The following CMTM8 variants were observed in gnomAD, a reference collection of about 807,000 sequenced individuals.
The protein encoded by CMTM8 is CKLF-like MARVEL transmembrane domain-containing protein 8.
In CMTM8, 12 loss-of-function variants were observed where a neutral mutation model predicts 18.6. The observed-to-expected ratio is 0.65, with a 90% CI of 0.41 to 1.05. The LOEUF is 1.05. Ranked by LOEUF, CMTM8 falls within the 50% of genes least tolerant of loss-of-function variation. CMTM8 has a pLI of 0.00. For synonymous variants in CMTM8, 87 were observed against 90.6 expected (o/e 0.96, Z 0.23); for missense variants, 217 against 227.2 (o/e 0.95, Z 0.29).
intron 1 of CMTM8, among the ~76,000 whole-genome samples, chr3:32,335,996 C>T (rs1696378458): frequency 6.6e-6 from 1 of 152,208 alleles, no homozygotes; most frequent in African/African-American, 2.4e-5. Flanking sequence ...GAGAGGCCCT[C>T]CAGGGCAGCG....
rs925674144 is a variant in CMTM8 at position 32,312,595 on chromosome 3, A to T, written c.148-44778A>T. Among the ~76,000 whole-genome samples the T allele has an allele frequency of 4.6e-5, 7 of 152,056 alleles. No homozygotes were observed. In the East Asian group the frequency reaches 1.3e-3, roughly 29 times the overall value. On this transcript the variant is annotated intron_variant, in intron 1 of 3. Transcript: ENST00000307526. ...AACATGTTCTTCCTCACCAACCTTG[A>T]AGCTCTGCAAACTCTGTCCTTTGAG... is the stretch of plus-strand genomic sequence containing the variant.
Position 32,370,011 on chromosome 3 carries a change from C to G in CMTM8, c.*44C>G, listed in dbSNP as rs762437069. ...AAAAGGAAAAAAAAAGGAAGACTCT[C>G]ACTGTAAAAACAGCTGTAGGTATAA... On this transcript the variant is annotated 3_prime_UTR_variant, in exon 4 of 4. Coordinates refer to ENST00000307526, the MANE Select transcript of CMTM8 (RefSeq NM_178868.5). The G allele has an allele frequency of 8.3e-7, 1 of 1,210,082 alleles. No individual in the cohort carries two copies. 75.0% of individuals were successfully genotyped at this position (1,210,082 alleles called of 1,614,324 possible).
chr3:32,337,976 CT>C (rs1415837694), intron 1 of CMTM8, among the ~76,000 whole-genome samples: 5 of 130,696 alleles, frequency 3.8e-5, no homozygotes, highest in African/African-American at 1.5e-4. Flanking sequence ...ACTATTTGGC[CT>C]TTTTTTTTTT....
chr3:32,291,222 G>C (rs931923824), intron 1 of CMTM8, among the ~76,000 whole-genome samples: 1 of 151,818 alleles, frequency 6.6e-6, no homozygotes, highest in Non-Finnish European at 1.5e-5. Flanking sequence ...TCTGCCCCCC[G>C]GGTTCACGCC....
chr3:32,347,624 C>T (rs1236483214), intron 1 of CMTM8, among the ~76,000 whole-genome samples: 2 of 152,110 alleles, frequency 1.3e-5, no homozygotes, highest in African/African-American at 4.8e-5. Flanking sequence ...AGTGAAGTTT[C>T]CCACAAGGCC....
Position 32,239,128 on chromosome 3 carries a change from C to G in CMTM8, c.147+9C>G, listed in dbSNP as rs1054285017. 8 of 1,592,434 alleles carry G rather than the reference C, an allele frequency of 5.0e-6. No homozygotes were observed. The Admixed American group carries it at 8.7e-5, about 17-fold the overall frequency. ...TCATCGTGGCCGAGATCGTGAGTGCCGACGGGCCGGGGGTGGCGGGGGGCT... is the reference window on the plus strand; with the variant it reads ...TCATCGTGGCCGAGATCGTGAGTGCGGACGGGCCGGGGGTGGCGGGGGGCT... On this transcript the variant is annotated intron_variant, in intron 1 of 3. Transcript: ENST00000307526.
At chr3:32,291,037 T>A (rs1364972539) in intron 1 of CMTM8, among the ~76,000 whole-genome samples, 2 of 149,872 alleles carry the variant, frequency 1.3e-5, no homozygotes, top group Non-Finnish European at 3.0e-5. Context: ...CGTGAACCGC[T>A]GTGCCTGGCC....
intron 1 of CMTM8, among the ~76,000 whole-genome samples, chr3:32,332,452 C>G (rs1321901256): frequency 6.6e-6 from 1 of 150,580 alleles, no homozygotes; most frequent in African/African-American, 2.5e-5. Flanking sequence ...TGGGGAGTGG[C>G]AGAGAGGAGT....
chr3:32,282,711 C>T (rs755499083), intron 1 of CMTM8, among the ~76,000 whole-genome samples: 1 of 152,126 alleles, frequency 6.6e-6, no homozygotes, highest in Non-Finnish European at 1.5e-5. Context: ...GTGAGAGAGC[C>T]AGTCTGTTCA....
chr3:32,369,843 G>A, intron 3 of CMTM8, 41 bp from the exon 4 acceptor site: 6 of 1,313,130 alleles, frequency 4.6e-6, no homozygotes, highest in Non-Finnish European at 6.5e-6. Context: ...TAATTAGGAT[G>A]TGCCCTAAAC....
chr3:32,335,186 C>A (rs191134831), intron 1 of CMTM8, among the ~76,000 whole-genome samples: 14 of 152,334 alleles, frequency 9.2e-5, no homozygotes, highest in Admixed American at 9.2e-4. Context: ...CTGGCTTGGT[C>A]TCCAGGGGTA....
rs1216400788 is a variant in CMTM8 at position 32,358,352 on chromosome 3, A to G, written c.321+806A>G. Among the ~76,000 whole-genome samples the G allele has an allele frequency of 6.6e-6, 1 of 152,204 alleles. No individual in the cohort carries two copies. Reference sequence around the variant, plus strand: ...TCCCCTTGCCTTAAGAGCATTGACAATCTGGTTGGCAAATTCAAAGTAGCT... The same window carrying G: ...TCCCCTTGCCTTAAGAGCATTGACAGTCTGGTTGGCAAATTCAAAGTAGCT... On this transcript the variant is annotated intron_variant, in intron 2 of 3. Coordinates refer to ENST00000307526, the MANE Select transcript of CMTM8 (RefSeq NM_178868.5). The surrounding 1 kb of genome is among the most constrained non-coding windows in gnomAD (Gnocchi z 4.1).
intron 1 of CMTM8, among the ~76,000 whole-genome samples, chr3:32,291,387 G>A (rs1187440326): frequency 1.3e-5 from 2 of 150,860 alleles, no homozygotes; most frequent in East Asian, 2.0e-4. Flanking sequence ...TGATCCGCCC[G>A]CCTCGGCCTC....
chr3:32,361,314 G>A (rs1387171600), intron 2 of CMTM8, among the ~76,000 whole-genome samples: 1 of 7,844 alleles, frequency 1.3e-4, no homozygotes, highest in East Asian at 2.8e-3. Flanking sequence ...TTTTGGAAAG[G>A]TAATAAGGTA....
At chr3:32,339,259 G>A (rs1696446844) in intron 1 of CMTM8, among the ~76,000 whole-genome samples, 1 of 152,154 alleles carries the variant, frequency 6.6e-6, no homozygotes, top group African/African-American at 2.4e-5. Flanking sequence ...CACAGTGCCG[G>A]TCTTTAGTTG....
intron 2 of CMTM8, among the ~76,000 whole-genome samples, chr3:32,360,087 C>T (rs1157487131): frequency 6.6e-6 from 1 of 152,186 alleles, no homozygotes; most frequent in Non-Finnish European, 1.5e-5. Flanking sequence ...CTGTCAGCCT[C>T]CAGGTCAGGG....
chr3:32,285,526 ATT>A (rs10532505), intron 1 of CMTM8, among the ~76,000 whole-genome samples: 65,442 of 144,226 alleles, frequency 0.45, 15,018 homozygotes, highest in South Asian at 0.55. Flanking sequence ...AAAAAAAAAA[ATT>A]AAATTAATAA....
intron 1 of CMTM8, among the ~76,000 whole-genome samples, chr3:32,287,538 A>G (rs1702707498): frequency 6.6e-6 from 1 of 152,182 alleles, no homozygotes; most frequent in Non-Finnish European, 1.5e-5. Flanking sequence ...AAATCTAGAA[A>G]AGTTGTATAT....
At chr3:32,281,592 T>C (rs1702611709) in intron 1 of CMTM8, among the ~76,000 whole-genome samples, 1 of 152,184 alleles carries the variant, frequency 6.6e-6, no homozygotes, top group African/African-American at 2.4e-5. Flanking sequence ...AGTTGTCACC[T>C]TTTTTCTCTG....
Sources: gnomAD v4.1 joint callset for allele counts (sites outside exome capture counted in the v4.1 genomes callset) on GRCh38, gnomAD v4.1.1 for gene constraint, Gnocchi (gnomAD v3.1) non-coding constraint, MANE v1.5 for transcripts, NCBI Gene and HGNC (gene_info 2026-07-23, HGNC 2026-07-21) for gene names.